The following PPEF1 variants were observed in gnomAD, a reference collection of about 807,000 sequenced individuals.
The protein encoded by PPEF1 is protein phosphatase with EF-hand domain 1.
In PPEF1, 12 loss-of-function variants were observed where a neutral mutation model predicts 53.3. The observed-to-expected ratio is 0.23, with a 90% CI of 0.14 to 0.36. PPEF1 has a LOEUF of 0.36. Among genes scored for constraint, PPEF1 ranks in the 10% least tolerant of loss-of-function variants. The pLI is 1.00. For synonymous variants in PPEF1, 165 were observed against 176.7 expected (o/e 0.93, Z 0.52); for missense variants, 334 against 490.4 (o/e 0.68, Z 3.01).
chrX:18,770,060 C>G (rs2045843109), intron 6 of PPEF1, among the ~76,000 whole-genome samples: 1 of 111,762 alleles, frequency 8.9e-6, no homozygotes, highest in African/African-American at 3.3e-5. Flanking sequence ...TATCTGTCAA[C>G]TTAATCACCA....
intron 1 of PPEF1, among the ~76,000 whole-genome samples, chrX:18,721,605 C>T (rs2044591343): frequency 9.0e-6 from 1 of 111,477 alleles, no homozygotes; most frequent in Admixed American, 9.6e-5. Context: ...CTGAGGACCT[C>T]GGAGTTTCGT....
chrX:18,786,740 G>A (rs2046210404), intron 9 of PPEF1, among the ~76,000 whole-genome samples: 1 of 95,814 alleles, frequency 1.0e-5, no homozygotes, highest in South Asian at 5.2e-4. Flanking sequence ...CCAAGATCAA[G>A]CCACTGCACT....
Position 18,707,756 on chromosome X carries a change from A to G in PPEF1, c.-25A>G. ...CTTAAAATCAGAAGTTGAATTCATG[A>G]ACACATATGATTTAGATAGAAGTCA... On this transcript the variant is annotated 5_prime_UTR_variant, in exon 1 of 16. Transcript: ENST00000470157. 1.7e-6 allele frequency: 2 copies of G among 1,198,867 alleles called. No homozygotes were observed. The highest frequency in any genetic ancestry group is 2.3e-6 in the Non-Finnish European group (2 of 884,799).
chrX:18,784,254 G>GA (rs1184520035), intron 9 of PPEF1, among the ~76,000 whole-genome samples: 1 of 111,288 alleles, frequency 9.0e-6, no homozygotes, highest in Non-Finnish European at 1.9e-5. Flanking sequence ...TCTATATATG[G>GA]AAAAAAATTT....
At chrX:18,724,677 A>C (rs977900667) in intron 1 of PPEF1, among the ~76,000 whole-genome samples, 1 of 111,728 alleles carries the variant, frequency 9.0e-6, no homozygotes, top group East Asian at 2.8e-4. Flanking sequence ...CGGGAAGAGA[A>C]GCCCTGTTAT....
intron 4 of PPEF1, among the ~76,000 whole-genome samples, chrX:18,755,126 C>T (rs2045519761): frequency 9.1e-6 from 1 of 110,243 alleles, no homozygotes; most frequent in African/African-American, 3.3e-5. Context: ...ATAATTCTGA[C>T]TTTATAAAAA....
Position 18,827,468 on chromosome X carries a change from A to G in PPEF1, c.1943A>G (p.Asp648Gly). The G allele has an allele frequency of 8.3e-7, 1 of 1,209,687 alleles. No homozygotes were observed. The highest frequency in any genetic ancestry group is 1.1e-6 in the Non-Finnish European group (1 of 893,946). The change falls in exon 16 of 16, where the codon GAT becomes GGT. Residue 648 changes from aspartate to glycine, a missense_variant. By Grantham distance (94) the Asp-to-Gly change is moderately conservative (BLOSUM62 -1). Coordinates refer to ENST00000470157, the MANE Select transcript of PPEF1 (RefSeq NM_001377996.1). ...AGATATGAAGACTTGATGAAACCTG[A>G]TGTCACCAACCTTGGCTAAACACAA... ...VHRYEDLMKPDVTNLG is the reference protein window; with the variant it reads ...VHRYEDLMKPGVTNLG
At chrX:18,780,801 T>C (rs990662338) in intron 7 of PPEF1, among the ~76,000 whole-genome samples, 13 of 110,423 alleles carry the variant, frequency 1.2e-4, no homozygotes, top group Non-Finnish European at 1.9e-4. Context: ...GCGCCTGTAA[T>C]CCCAGCACTT....
At chrX:18,692,472 A>G (rs1047953814) in intron 4 of PPEF1, among the ~76,000 whole-genome samples, 1 of 111,612 alleles carries the variant, frequency 9.0e-6, no homozygotes, top group Non-Finnish European at 1.9e-5. Context: ...TATTCTTCCA[A>G]ACTAAAAACC....
chrX:18,743,980 G>C (rs977378149), intron 3 of PPEF1, among the ~76,000 whole-genome samples: 6 of 110,368 alleles, frequency 5.4e-5, no homozygotes, highest in African/African-American at 2.0e-4. Context: ...CCTCCCCGCT[G>C]CCCAGGTTCA....
upstream of PPEF1, among the ~76,000 whole-genome samples, chrX:18,704,253 G>T (rs1402391852): frequency 9.9e-5 from 11 of 111,569 alleles, no homozygotes; most frequent in Non-Finnish European, 1.5e-4. Context: ...ATAAAAAGGG[G>T]TGGAAAAAAT....
intron 13 of PPEF1, among the ~76,000 whole-genome samples, chrX:18,820,160 A>C (rs969462382): frequency 6.2e-5 from 7 of 112,018 alleles, no homozygotes; most frequent in Non-Finnish European, 1.3e-4. Flanking sequence ...CTAAGGAAGT[A>C]TATATTACTA....
chrX:18,717,318 C>T (rs1013400378), intron 1 of PPEF1, among the ~76,000 whole-genome samples: 1 of 108,265 alleles, frequency 9.2e-6, no homozygotes, highest in Non-Finnish European at 1.9e-5. Flanking sequence ...ACTAGATCAC[C>T]CTGAAGAAAT....
chrX:18,827,646 T>A lies in PPEF1; in HGVS notation c.*159T>A, dbSNP rs2047192538. 2 of 459,162 alleles carry A rather than the reference T, an allele frequency of 4.4e-6. No homozygotes were observed. Among genetic ancestry groups the A allele is most frequent in the African/African-American group, 4.8e-5 (2 of 41,349 alleles). 37.8% of individuals were successfully genotyped at this position (459,162 alleles called of 1,213,427 possible). The stretch of plus-strand genomic sequence containing the variant: ...GCATAGTATGGGTTTTGGAAGTCCC[T>A]AGCAAGCTGTTATTGGTAAGATTAG... On this transcript the variant is annotated 3_prime_UTR_variant, in exon 16 of 16. Transcript: ENST00000470157.
chrX:18,712,509 T>G (rs996230013), intron 1 of PPEF1, among the ~76,000 whole-genome samples: 1 of 112,494 alleles, frequency 8.9e-6, no homozygotes, highest in Non-Finnish European at 1.9e-5. Flanking sequence ...ATCCCAAAAC[T>G]TTACTGAACT....
chrX:18,779,288 G>C, intron 7 of PPEF1, 112 bp downstream of exon 7: 1 of 719,362 alleles, frequency 1.4e-6, no homozygotes, highest in Non-Finnish European at 2.0e-6. Flanking sequence ...GGGATGAGGG[G>C]GATCTCAAGG....
At chrX:18,761,597 AT>A in intron 6 of PPEF1, 21 bp downstream of exon 6, 1 of 1,163,180 alleles carries the variant, frequency 8.6e-7, no homozygotes, top group Middle Eastern at 2.4e-4. Flanking sequence ...ATTTTGCTAA[AT>A]ATTAACATTT....
At chrX:18,693,228 G>A (rs184767292) in intron 4 of PPEF1, among the ~76,000 whole-genome samples, 2 of 111,778 alleles carry the variant, frequency 1.8e-5, no homozygotes, top group Admixed American at 1.9e-4. Context: ...ATCTGCCCCA[G>A]CCCATTAAGC....
chrX:18,819,048 C>T (rs1271165116), intron 13 of PPEF1, among the ~76,000 whole-genome samples: 1 of 111,440 alleles, frequency 9.0e-6, no homozygotes, highest in Non-Finnish European at 1.9e-5. Context: ...CAAGCAAATG[C>T]AAATTTATCT....
Sources: allele counts gnomAD v4.1 joint callset (sites outside exome capture counted in the v4.1 genomes callset), GRCh38; gene constraint gnomAD v4.1.1; transcripts MANE v1.5; gene names NCBI Gene and HGNC (gene_info 2026-07-23, HGNC 2026-07-21).